The following PRKN variants were observed in gnomAD, a reference collection of about 807,000 sequenced individuals.
PRKN encodes the protein parkin RBR E3 ubiquitin protein ligase, also known as E3 ubiquitin-protein ligase parkin.
In PRKN, 56 loss-of-function variants were observed where a neutral mutation model predicts 59.5. The ratio of observed to expected loss-of-function variants is 0.94; its 90% confidence interval spans 0.76 to 1.18. PRKN has a LOEUF of 1.18. Among genes scored for constraint, PRKN ranks in the 50% most tolerant of loss-of-function variants. The pLI is 0.00. For missense variants in PRKN, 657 were observed against 596.4 expected, an observed-to-expected ratio of 1.10 and a Z score of -1.06; for synonymous variants, 250 against 222.1, an observed-to-expected ratio of 1.13 and a Z score of -1.12.
Position 162,000,660 on chromosome 6 carries a change from T to C in PRKN, c.619-27243A>G, listed in dbSNP as rs563569302. ...GCTGAGGTTTTGTATTGTAATAAAA[T>C]CCAGCTTATCAATTATTTCTTTCAT... On this transcript the variant is annotated intron_variant, in intron 5 of 11. Transcript: ENST00000366898. Among the ~76,000 whole-genome samples the C allele has an allele frequency of 1.1e-3, 164 of 152,208 alleles. 1 individual carries two copies. The highest frequency in any genetic ancestry group is 1.8e-3 in the Non-Finnish European group (119 of 67,976).
chr6:162,454,018 T>C lies in PRKN; in HGVS notation c.8-10545A>G, dbSNP rs115489941. Among the ~76,000 whole-genome samples the C allele has an allele frequency of 9.7e-3, 1,473 of 152,322 alleles. 17 individuals are homozygous for C. Among genetic ancestry groups the C allele is most frequent in the African/African-American group, 0.033 (1,353 of 41,574 alleles). ...TGATAACTAGAGAGGGTTTGTGTCT[T>C]ATAAGGTATACGTTCTCAGTATACT... On this transcript the variant is annotated intron_variant, in intron 1 of 11. Coordinates refer to ENST00000366898, the MANE Select transcript of PRKN (RefSeq NM_004562.3).
At chr6:161,748,752 C>G (rs1176825982) in intron 7 of PRKN, among the ~76,000 whole-genome samples, 1 of 152,122 alleles carries the variant, frequency 6.6e-6, no homozygotes, top group Non-Finnish European at 1.5e-5. Context: ...GAGAGCCATA[C>G]CCCACTGCTT....
chr6:161,484,045 C>T lies in PRKN; in HGVS notation c.1083+64809G>A, dbSNP rs1301453668. Among the ~76,000 whole-genome samples, 1 of 152,026 alleles carries T rather than the reference C, an allele frequency of 6.6e-6. No homozygotes were observed. On this transcript the variant is annotated intron_variant, in intron 9 of 11. Transcript: ENST00000366898. This position sits in a 1 kb window ranked among gnomAD's most constrained non-coding sequence, Gnocchi z 4.9. ...GCTGGGGGGTTGTGGGGAGGGAGAG[C>T]ATCAGGAAGAATACCTAATGGATGC...
chr6:162,010,842 TACATA>T (rs2128269137), intron 5 of PRKN, among the ~76,000 whole-genome samples: 1 of 11,636 alleles, frequency 8.6e-5, no homozygotes, highest in African/African-American at 7.8e-4. Context: ...TATTATATAA[TACATA>T]ATATTAATAT....
chr6:161,415,924 C>T (rs1287116040), intron 9 of PRKN, among the ~76,000 whole-genome samples: 1 of 152,066 alleles, frequency 6.6e-6, no homozygotes, highest in African/African-American at 2.4e-5. Context: ...CGTCACTCGA[C>T]TGGGAATGCC....
At chr6:162,443,248 C>G (rs113698817) in intron 2 of PRKN, 62 bp downstream of exon 2, 12 of 1,551,362 alleles carry the variant, frequency 7.7e-6, no homozygotes. Flanking sequence ...AGATTGGCAG[C>G]GCAGGCGGCA....
At chr6:162,018,019 CTTTTAT>C (rs1159071744) in intron 5 of PRKN, among the ~76,000 whole-genome samples, 2 of 151,888 alleles carry the variant, frequency 1.3e-5, no homozygotes, top group Non-Finnish European at 2.9e-5. Flanking sequence ...GCCATAATAA[CTTTTAT>C]TTTTATTTTT....
chr6:161,890,966 A>T (rs1312921605), intron 6 of PRKN, among the ~76,000 whole-genome samples: 1 of 152,168 alleles, frequency 6.6e-6, no homozygotes, highest in Non-Finnish European at 1.5e-5. Context: ...GGCTACTGTG[A>T]TCTATCGTCA....
intron 1 of PRKN, among the ~76,000 whole-genome samples, chr6:162,549,593 C>T (rs1357071040): frequency 6.6e-6 from 1 of 151,394 alleles, no homozygotes; most frequent in African/African-American, 2.4e-5. Flanking sequence ...AACAGCCTAG[C>T]AGGGGAGGTA....
chr6:162,503,523 T>G (rs1001138525), intron 1 of PRKN, among the ~76,000 whole-genome samples: 2 of 152,054 alleles, frequency 1.3e-5, no homozygotes, highest in African/African-American at 4.8e-5. Flanking sequence ...ATAGAAACCT[T>G]GAAGAAAATT....
intron 1 of PRKN, among the ~76,000 whole-genome samples, chr6:162,646,744 T>C (rs999711896): frequency 2.6e-5 from 4 of 152,260 alleles, no homozygotes; most frequent in Admixed American, 6.5e-5. Flanking sequence ...CTAGGCTGTA[T>C]GGTAGAGCCT....
chr6:161,679,634 C>G (rs1188708554), intron 7 of PRKN, among the ~76,000 whole-genome samples: 27 of 127,768 alleles, frequency 2.1e-4, no homozygotes, highest in African/African-American at 7.4e-4. Context: ...AATGGGGAAG[C>G]AAGTTTTAAT....
intron 6 of PRKN, among the ~76,000 whole-genome samples, chr6:161,891,226 C>T (rs938949911): frequency 6.6e-6 from 1 of 152,156 alleles, no homozygotes; most frequent in South Asian, 2.1e-4. Flanking sequence ...TCCCCTTCCC[C>T]TGGGGGCTCT....
intron 9 of PRKN, among the ~76,000 whole-genome samples, chr6:161,450,271 C>T (rs144625013): frequency 6.6e-6 from 1 of 152,278 alleles, no homozygotes; most frequent in Non-Finnish European, 1.5e-5. Flanking sequence ...ATGCAGGACC[C>T]CTGCTGCAGC....
At chr6:162,447,150 A>C (rs1030431915) in intron 1 of PRKN, among the ~76,000 whole-genome samples, 1 of 152,214 alleles carries the variant, frequency 6.6e-6, no homozygotes, top group African/African-American at 2.4e-5. Context: ...GTGCTGGGCA[A>C]GTGTGTGCTC....
chr6:162,536,195 T>G (rs1427038646), intron 1 of PRKN, among the ~76,000 whole-genome samples: 1 of 152,104 alleles, frequency 6.6e-6, no homozygotes, highest in Non-Finnish European at 1.5e-5. Flanking sequence ...TAACAAACTA[T>G]AATGAACTAC....
At chr6:161,831,846 C>T (rs1358798784) in intron 6 of PRKN, among the ~76,000 whole-genome samples, 2 of 152,180 alleles carry the variant, frequency 1.3e-5, no homozygotes, top group African/African-American at 4.8e-5. Flanking sequence ...TTTCCTACTA[C>T]AACACAAGTC....
chr6:162,068,501 A>G (rs4709566), intron 4 of PRKN, among the ~76,000 whole-genome samples: 124,872 of 152,140 alleles, frequency 0.82, 51,416 homozygotes, highest in East Asian at 0.88. Context: ...CCATTACAGC[A>G]AAACTAGCTT....
chr6:161,901,683 A>C (rs1777921667), intron 6 of PRKN, among the ~76,000 whole-genome samples: 1 of 152,194 alleles, frequency 6.6e-6, no homozygotes, highest in South Asian at 2.1e-4. Flanking sequence ...AAAAATGTAG[A>C]TATTTGCCTT....
Sources: gnomAD v4.1 joint callset for allele counts (sites outside exome capture counted in the v4.1 genomes callset) on GRCh38, gnomAD v4.1.1 for gene constraint, Gnocchi (gnomAD v3.1) non-coding constraint, MANE v1.5 for transcripts, NCBI Gene and HGNC (gene_info 2026-07-23, HGNC 2026-07-21) for gene names.